NCAM2: variants seen among roughly 807,000 people sequenced by gnomAD.
The protein encoded by NCAM2 is neural cell adhesion molecule 2.
Under a neutral mutation model 98.1 loss-of-function variants are expected in NCAM2, and 30 were observed. That is an observed-to-expected ratio of 0.31 (90% CI 0.23 to 0.41). The LOEUF is 0.41. NCAM2 is among the 10% of genes least tolerant of loss of function. The pLI is 1.00. For synonymous variants in NCAM2, 368 were observed against 342.4 expected (o/e 1.07, Z -0.83); for missense variants, 867 against 1,005.8 (o/e 0.86, Z 1.87).
intron 1 of NCAM2, among the ~76,000 whole-genome samples, chr21:21,013,476 A>G (rs758445830): frequency 1.3e-4 from 20 of 152,188 alleles, no homozygotes; most frequent in Non-Finnish European, 2.4e-4. Flanking sequence ...AAAAGTTGGA[A>G]GCAAGCATAA....
intron 1 of NCAM2, among the ~76,000 whole-genome samples, chr21:21,266,342 C>A (rs1215020864): frequency 6.6e-6 from 1 of 151,998 alleles, no homozygotes; most frequent in Non-Finnish European, 1.5e-5. Context: ...CTGAGAATGA[C>A]CATGAGGTTT....
intron 1 of NCAM2, among the ~76,000 whole-genome samples, chr21:21,084,134 A>C (rs533254063): frequency 7.9e-5 from 12 of 152,136 alleles, no homozygotes; most frequent in Non-Finnish European, 1.6e-4. Flanking sequence ...GTGTCCTTAC[A>C]TGGCAGAGGG....
intron 9 of NCAM2, 51 bp downstream of exon 9, chr21:21,374,064 A>G: frequency 6.4e-7 from 1 of 1,561,692 alleles, no homozygotes; most frequent in Non-Finnish European, 8.7e-7. Context: ...CATGCTTTGA[A>G]ACATATGATT....
intron 1 of NCAM2, among the ~76,000 whole-genome samples, chr21:21,032,901 A>G (rs1038437505): frequency 6.6e-6 from 1 of 151,768 alleles, no homozygotes; most frequent in African/African-American, 2.4e-5. Flanking sequence ...TGTTTCTGGT[A>G]GCAAATTTAA....
chr21:21,207,387 G>A (rs748997015), intron 1 of NCAM2, among the ~76,000 whole-genome samples: 41 of 152,042 alleles, frequency 2.7e-4, no homozygotes, highest in Non-Finnish European at 4.3e-4. Flanking sequence ...TCTACCACTA[G>A]GGCAGGTGTT....
chr21:21,258,788 A>G (rs1013782942), intron 1 of NCAM2, among the ~76,000 whole-genome samples: 7 of 151,980 alleles, frequency 4.6e-5, no homozygotes, highest in South Asian at 4.1e-4. Flanking sequence ...ACATACCCAC[A>G]TGACTCTCTC....
chr21:21,366,553 CA>C (rs1029149890), intron 8 of NCAM2, among the ~76,000 whole-genome samples: 5 of 152,028 alleles, frequency 3.3e-5, no homozygotes, highest in Admixed American at 6.6e-5. Flanking sequence ...GCTTTCAATA[CA>C]AAAGTCTGTA....
intron 4 of NCAM2, among the ~76,000 whole-genome samples, chr21:21,289,397 T>C (rs192340188): frequency 5.9e-4 from 90 of 151,906 alleles, no homozygotes; most frequent in African/African-American, 2.1e-3. Flanking sequence ...GAAATTGTGG[T>C]AATAAAGGAT....
intron 15 of NCAM2, among the ~76,000 whole-genome samples, chr21:21,485,731 T>A (rs1986293284): frequency 6.6e-6 from 1 of 152,196 alleles, no homozygotes; most frequent in African/African-American, 2.4e-5. Flanking sequence ...CATATATGCA[T>A]AAAAGTGACC....
chr21:21,490,625 T>C (rs1986770938), intron 15 of NCAM2, among the ~76,000 whole-genome samples: 1 of 151,628 alleles, frequency 6.6e-6, no homozygotes, highest in Non-Finnish European at 1.5e-5. Flanking sequence ...GCTAGTCTTA[T>C]TTTTTTTCCT....
At chr21:21,436,239 T>G (rs1339796287) in intron 12 of NCAM2, among the ~76,000 whole-genome samples, 2 of 152,228 alleles carry the variant, frequency 1.3e-5, no homozygotes, top group Non-Finnish European at 1.5e-5. Context: ...ATACTTTCAT[T>G]TTGTTTCTGT....
At chr21:21,211,063 C>A (rs1438207578) in intron 1 of NCAM2, among the ~76,000 whole-genome samples, 1 of 150,866 alleles carries the variant, frequency 6.6e-6, no homozygotes, top group Non-Finnish European at 1.5e-5. Flanking sequence ...CAATTTATTT[C>A]ATAAATTGCT....
At chr21:21,357,163 C>G (rs1033764290) in intron 8 of NCAM2, among the ~76,000 whole-genome samples, 4 of 152,018 alleles carry the variant, frequency 2.6e-5, no homozygotes, top group African/African-American at 9.7e-5. Flanking sequence ...TTTGAGTATA[C>G]AAGTGGGCTT....
chr21:21,317,955 G>T lies in NCAM2; in HGVS notation c.620-6428G>T, dbSNP rs113033508. Among the ~76,000 whole-genome samples the T allele has an allele frequency of 6.9e-3, 1,044 of 152,256 alleles. 6 individuals carry two copies. The highest frequency in any genetic ancestry group is 0.011 in the Non-Finnish European group (778 of 68,022). On this transcript the variant is annotated intron_variant, in intron 5 of 17. Coordinates refer to ENST00000400546, the MANE Select transcript of NCAM2 (RefSeq NM_004540.5). ...CAGGTGAATTCTCAGATCAGTTTCT[G>T]CAATCAGTCTTTCCTGATATATTTT...
intron 1 of NCAM2, among the ~76,000 whole-genome samples, chr21:21,036,654 A>G (rs1377562369): frequency 1.3e-5 from 2 of 152,164 alleles, no homozygotes; most frequent in Admixed American, 1.3e-4. Flanking sequence ...AATGATTTTC[A>G]GGGGAAATGA....
rs2065491992 is a variant in NCAM2 at position 21,068,552 on chromosome 21, C to T, written c.55+69934C>T. On this transcript the variant is annotated intron_variant, in intron 1 of 17. Transcript: ENST00000400546. ...TCGGCTCACTGCAACCTCCGCCTCC[C>T]AGGTTCACGCGATTCTTCTGCCTCA... 3.3e-5 allele frequency among the ~76,000 whole-genome samples: 5 copies of T among 151,350 alleles called. No individual in the cohort carries two copies. The South Asian group carries it at 8.4e-4, about 25-fold the overall frequency.
chr21:21,396,330 G>T (rs1253947678), intron 9 of NCAM2, among the ~76,000 whole-genome samples: 1 of 152,044 alleles, frequency 6.6e-6, no homozygotes, highest in Admixed American at 6.6e-5. Context: ...TGAAAGAATG[G>T]CCATAATCAA....
chr21:21,180,504 C>T (rs1221524133), intron 1 of NCAM2, among the ~76,000 whole-genome samples: 1 of 151,996 alleles, frequency 6.6e-6, no homozygotes, highest in East Asian at 1.9e-4. Context: ...AGATTATAGT[C>T]AAATAGGTAA....
At chr21:21,196,533 A>G (rs1429091024) in intron 1 of NCAM2, among the ~76,000 whole-genome samples, 3 of 152,186 alleles carry the variant, frequency 2.0e-5, no homozygotes, top group Non-Finnish European at 2.9e-5. Context: ...AAATTGTGAC[A>G]TAAGATGTAT....
Sources: gnomAD v4.1 joint callset for allele counts (sites outside exome capture counted in the v4.1 genomes callset) on GRCh38, gnomAD v4.1.1 for gene constraint, MANE v1.5 for transcripts, NCBI Gene and HGNC (gene_info 2026-07-23, HGNC 2026-07-21) for gene names.